Variants in SND1 observed in about 807,000 individuals in gnomAD.
SND1 encodes the protein staphylococcal nuclease domain-containing protein 1.
A neutral mutation model predicts 121.7 loss-of-function variants in SND1; 38 were observed. That is an observed-to-expected ratio of 0.31 (90% CI 0.24 to 0.41). The LOEUF (loss-of-function observed/expected upper bound fraction) is 0.41. SND1 is among the 10% of genes least tolerant of loss of function. SND1 has a pLI of 1.00. For missense variants in SND1, 868 were observed against 1,184.6 expected (o/e 0.73, Z 3.92); for synonymous variants, 401 against 447.4 (o/e 0.90, Z 1.31).
intron 10 of SND1, among the ~76,000 whole-genome samples, chr7:127,752,028 A>G (rs1484835808): frequency 6.6e-6 from 1 of 152,174 alleles, no homozygotes; most frequent in African/African-American, 2.4e-5. Context: ...TGAATATCTG[A>G]TCGATGGGGC....
intron 15 of SND1, among the ~76,000 whole-genome samples, chr7:127,984,253 T>G (rs939516032): frequency 6.6e-6 from 1 of 152,242 alleles, no homozygotes; most frequent in Non-Finnish European, 1.5e-5. Flanking sequence ...GCCTCAGGTC[T>G]CTCTGACATA....
chr7:127,700,051 G>A (rs1328322317), intron 4 of SND1, among the ~76,000 whole-genome samples: 3 of 152,064 alleles, frequency 2.0e-5, no homozygotes, highest in Non-Finnish European at 4.4e-5. Context: ...GTTTTTGGAC[G>A]TATGCCAAAT....
chr7:128,062,710 G>T (rs115200518), intron 16 of SND1, among the ~76,000 whole-genome samples: 342 of 152,272 alleles, frequency 2.2e-3, no homozygotes, highest in African/African-American at 7.7e-3. Flanking sequence ...AAGAGAAGGT[G>T]CTCCACGTCC....
intron 9 of SND1, among the ~76,000 whole-genome samples, chr7:127,708,876 CCT>C (rs1203312817): frequency 6.6e-6 from 1 of 152,158 alleles, no homozygotes; most frequent in Non-Finnish European, 1.5e-5. Context: ...GTTCTGTCTC[CCT>C]GTCAACTAAC....
intron 15 of SND1, among the ~76,000 whole-genome samples, chr7:127,960,089 A>C (rs894575615): frequency 6.6e-6 from 1 of 152,166 alleles, no homozygotes; most frequent in African/African-American, 2.4e-5. Flanking sequence ...TCTGGAACTT[A>C]CCGGGTGGCA....
chr7:127,884,590 G>A (rs188580578), intron 12 of SND1, among the ~76,000 whole-genome samples: 6 of 152,158 alleles, frequency 3.9e-5, no homozygotes, highest in Middle Eastern at 3.4e-3. Context: ...GAACAGGCCC[G>A]TAGCTCAGAT....
intron 10 of SND1, among the ~76,000 whole-genome samples, chr7:127,730,261 C>T (rs1796652362): frequency 6.6e-6 from 1 of 152,186 alleles, no homozygotes; most frequent in Admixed American, 6.5e-5. Context: ...GCCACCGCGC[C>T]CAGCCTGACA....
intron 16 of SND1, among the ~76,000 whole-genome samples, chr7:128,019,236 C>T (rs1006735951): frequency 8.5e-5 from 13 of 152,178 alleles, no homozygotes; most frequent in Admixed American, 6.5e-5. Context: ...CCTCTCAGTC[C>T]GCCTTTTCTG....
At chr7:127,983,080 G>T (rs974047822) in intron 15 of SND1, among the ~76,000 whole-genome samples, 1 of 152,250 alleles carries the variant, frequency 6.6e-6, no homozygotes, top group African/African-American at 2.4e-5. Flanking sequence ...AAACTTAAAA[G>T]TGTTGCTTTT....
chr7:128,089,503 G>C lies in SND1; in HGVS notation c.2433G>C (p.Thr811=). The change falls in exon 22 of 24, where the codon ACG becomes ACC. Residue 811 remains threonine, a synonymous_variant. Coordinates refer to ENST00000354725, the MANE Select transcript of SND1 (RefSeq NM_014390.4). ...CTCTGCTCCAGGATGATGCCCGCAC[G>C]GACGCCGTGGACAGCGTAGTTCGGG... ...IQVPQDDDAR[T]DAVDSVVRDI... 1 of 1,612,898 alleles carries C rather than the reference G, an allele frequency of 6.2e-7. No individual in the cohort carries two copies. The highest frequency in any genetic ancestry group is 8.5e-7 in the Non-Finnish European group (1 of 1,178,996).
chr7:127,769,465 T>C (rs953284098), intron 10 of SND1, among the ~76,000 whole-genome samples: 2 of 152,232 alleles, frequency 1.3e-5, no homozygotes, highest in African/African-American at 4.8e-5. Flanking sequence ...TTCAGAGGAC[T>C]GAACTTAAAT....
chr7:127,683,510 C>T (rs1415353866), intron 1 of SND1, among the ~76,000 whole-genome samples: 1 of 152,186 alleles, frequency 6.6e-6, no homozygotes, highest in Non-Finnish European at 1.5e-5. Flanking sequence ...AGCCATTGCA[C>T]CCAGCCTGTA....
At chr7:127,864,593 A>G (rs1799434271) in intron 12 of SND1, among the ~76,000 whole-genome samples, 2 of 152,022 alleles carry the variant, frequency 1.3e-5, no homozygotes, top group South Asian at 4.2e-4. Flanking sequence ...TGCCAGTTTA[A>G]TTTTCTGATT....
At chr7:127,730,118 G>A (rs1796649132) in intron 10 of SND1, among the ~76,000 whole-genome samples, 1 of 152,158 alleles carries the variant, frequency 6.6e-6, no homozygotes, top group East Asian at 1.9e-4. Context: ...ACAGGCATGA[G>A]CCACCACATC....
intron 1 of SND1, among the ~76,000 whole-genome samples, chr7:127,653,029 AATC>A (rs1180147899): frequency 2.0e-5 from 3 of 152,168 alleles, no homozygotes; most frequent in Non-Finnish European, 4.4e-5. Context: ...GAATCTTAGT[AATC>A]ATCATTGTTC....
At chr7:127,841,889 A>G (rs1798972259) in intron 11 of SND1, among the ~76,000 whole-genome samples, 1 of 152,020 alleles carries the variant, frequency 6.6e-6, no homozygotes, top group African/African-American at 2.4e-5. Context: ...TCATCTTTAT[A>G]TTTTCTTACT....
intron 15 of SND1, among the ~76,000 whole-genome samples, chr7:127,964,468 C>G (rs1437054345): frequency 1.3e-5 from 2 of 150,600 alleles, no homozygotes; most frequent in Non-Finnish European, 3.0e-5. Context: ...CAGCTTTCTA[C>G]ATATGGCTAG....
intron 12 of SND1, among the ~76,000 whole-genome samples, chr7:127,866,175 T>C (rs956380101): frequency 2.6e-5 from 4 of 152,182 alleles, no homozygotes; most frequent in Non-Finnish European, 5.9e-5. Flanking sequence ...CATACTGAGC[T>C]CGAAGAGAAG....
chr7:127,747,035 A>G (rs911576670), intron 10 of SND1, among the ~76,000 whole-genome samples: 2 of 152,188 alleles, frequency 1.3e-5, no homozygotes, highest in Admixed American at 6.5e-5. Context: ...CATTGGGGAT[A>G]ATTGAGAATA....
Sources: gnomAD v4.1 joint callset for allele counts (sites outside exome capture counted in the v4.1 genomes callset) on GRCh38, gnomAD v4.1.1 for gene constraint, MANE v1.5 for transcripts, NCBI Gene and HGNC (gene_info 2026-07-23, HGNC 2026-07-21) for gene names.